EXT1: variants seen among roughly 807,000 people sequenced by gnomAD.
The protein encoded by EXT1 is exostosin-1.
A neutral mutation model predicts 82.5 loss-of-function variants in EXT1; 20 were observed. The observed-to-expected ratio is 0.24, with a 90% CI of 0.17 to 0.35. EXT1 has a LOEUF of 0.35. EXT1 is among the 10% of genes least tolerant of loss of function. The pLI is 1.00. For synonymous variants in EXT1, 348 were observed against 350.8 expected (o/e 0.99, Z 0.09); for missense variants, 757 against 936.5 (o/e 0.81, Z 2.50).
At chr8:118,035,597 A>AACACAC (rs59295132) in intron 1 of EXT1, among the ~76,000 whole-genome samples, 53 of 150,298 alleles carry the variant, frequency 3.5e-4, no homozygotes, top group Middle Eastern at 3.4e-3. Context: ...ACTCAATTCA[A>AACACAC]ACACACACAC....
chr8:117,847,488 A>G (rs1467784087), intron 1 of EXT1, among the ~76,000 whole-genome samples: 1 of 152,234 alleles, frequency 6.6e-6, no homozygotes, highest in Non-Finnish European at 1.5e-5. Flanking sequence ...CAGCCCTGAC[A>G]AATAGCATTA....
intron 1 of EXT1, among the ~76,000 whole-genome samples, chr8:117,859,750 T>A (rs1000134813): frequency 3.0e-4 from 46 of 152,350 alleles, no homozygotes; most frequent in Middle Eastern, 3.4e-3. Context: ...GTATTTAACA[T>A]CTTTTCAACA....
At chr8:117,851,394 G>A (rs537347054) in intron 1 of EXT1, among the ~76,000 whole-genome samples, 21 of 150,416 alleles carry the variant, frequency 1.4e-4, no homozygotes, top group Admixed American at 4.6e-4. Context: ...AAAAAAAAGT[G>A]AGGTTTCATT....
rs112873486 is a variant in EXT1, at chr8:117,797,508, C to A, written c.*2204G>T. ...GACATTGCTTTGCAAGCCAATATGA[C>A]CACCTAAGTTTCAAGTTGGTTTTGG... On this transcript the variant is annotated 3_prime_UTR_variant, in exon 11 of 11. Coordinates refer to ENST00000378204, the MANE Select transcript of EXT1 (RefSeq NM_000127.3). 1.5e-4 allele frequency: 23 copies of A among 152,250 alleles called. No homozygotes were observed. The highest frequency in any genetic ancestry group is 8.3e-4 in the South Asian group (4 of 4,816). 9.4% of individuals were successfully genotyped at this position (152,250 alleles called of 1,614,324 possible). A position where few individuals can be genotyped will look rare whatever the true frequency, so the allele number is the denominator to read the frequency against.
At chr8:117,878,121 A>G (rs548413881) in intron 1 of EXT1, among the ~76,000 whole-genome samples, 33 of 152,150 alleles carry the variant, frequency 2.2e-4, no homozygotes, top group Non-Finnish European at 4.3e-4. Context: ...TAAAAGTACA[A>G]AACTTAGCCA....
At chr8:118,037,879 CG>C (rs1816454624) in intron 1 of EXT1, among the ~76,000 whole-genome samples, 1 of 121,000 alleles carries the variant, frequency 8.3e-6, no homozygotes, top group Non-Finnish European at 1.6e-5. Flanking sequence ...TCACTCTTGT[CG>C]CCCAGACTGC....
intron 1 of EXT1, among the ~76,000 whole-genome samples, chr8:117,899,716 G>A (rs991857636): frequency 6.6e-6 from 1 of 152,202 alleles, no homozygotes; most frequent in Non-Finnish European, 1.5e-5. Flanking sequence ...GTTTCAAGGA[G>A]TAGCAAGATA....
chr8:118,026,709 G>C (rs17505290), intron 1 of EXT1, among the ~76,000 whole-genome samples: 4,071 of 152,160 alleles, frequency 0.027, 168 homozygotes, highest in African/African-American at 0.093. Context: ...TTTATCTTTG[G>C]GGGGAGGGAA....
chr8:118,046,280 A>C (rs1304547246), intron 1 of EXT1, among the ~76,000 whole-genome samples: 1 of 152,084 alleles, frequency 6.6e-6, no homozygotes, highest in East Asian at 1.9e-4. Context: ...AAGGCTTAGT[A>C]ACTTACTATT....
At chr8:118,040,898 C>A (rs1220175433) in intron 1 of EXT1, among the ~76,000 whole-genome samples, 1 of 152,172 alleles carries the variant, frequency 6.6e-6, no homozygotes, top group Non-Finnish European at 1.5e-5. Context: ...TCAGGTCCAA[C>A]CCAAGAGACA....
At position 118,111,161 on chromosome 8, in the gene EXT1, C is replaced by T. The variant is rs549255803; in HGVS notation, c.-115G>A. 390 of 1,410,998 alleles carry T rather than the reference C, an allele frequency of 2.8e-4. No individual in the cohort carries two copies. In the African/African-American group the frequency reaches 5.0e-3, roughly 18 times the overall value. The allele number at this position is 1,410,998 out of a possible 1,614,324, so 87.4% of individuals were successfully genotyped here. On this transcript the variant is annotated 5_prime_UTR_variant, in exon 1 of 11. Transcript: ENST00000378204. ...CCCGCCTGTAAAGACTTCAAACTCT[C>T]CGCTCCCACCTTCTCTGGATGCCTT...
chr8:117,969,624 T>C (rs796363699), intron 1 of EXT1, among the ~76,000 whole-genome samples: 2 of 152,314 alleles, frequency 1.3e-5, no homozygotes, highest in African/African-American at 4.8e-5. Flanking sequence ...AAATTATGCA[T>C]GTTTGCGAGT....
At position 118,042,021 on chromosome 8, in the gene EXT1, G is replaced by A. The variant is rs895043300; in HGVS notation, c.962+68064C>T. ...CACATCTGTCACCTCACTAAGCCCC[G>A]GGTTGGATGAGGAGCTCTGGCCAGC... On this transcript the variant is annotated intron_variant, in intron 1 of 10. Coordinates refer to ENST00000378204, the MANE Select transcript of EXT1 (RefSeq NM_000127.3). Among the ~76,000 whole-genome samples, 9 of 151,730 alleles carry A rather than the reference G, an allele frequency of 5.9e-5. No individual in the cohort carries two copies. The East Asian group carries it at 1.4e-3, about 23-fold the overall frequency.
At chr8:117,896,580 T>C (rs891797233) in intron 1 of EXT1, among the ~76,000 whole-genome samples, 19 of 152,208 alleles carry the variant, frequency 1.2e-4, no homozygotes, top group Admixed American at 2.6e-4. Flanking sequence ...TACCGAGCCA[T>C]CATCCAGATT....
intron 1 of EXT1, among the ~76,000 whole-genome samples, chr8:118,084,870 A>G (rs1817390544): frequency 6.6e-6 from 1 of 152,240 alleles, no homozygotes; most frequent in South Asian, 2.1e-4. Context: ...TTTTGCAAAA[A>G]TTAGATGAAA....
At chr8:117,918,748 C>T (rs754005640) in intron 1 of EXT1, among the ~76,000 whole-genome samples, 11 of 152,148 alleles carry the variant, frequency 7.2e-5, no homozygotes, top group Non-Finnish European at 1.6e-4. Flanking sequence ...CAGGAGTGAC[C>T]CCAGCAGATG....
At chr8:117,988,966 C>T (rs1283304836) in intron 1 of EXT1, among the ~76,000 whole-genome samples, 2 of 150,796 alleles carry the variant, frequency 1.3e-5, no homozygotes, top group African/African-American at 4.9e-5. Context: ...GTGGCTGATG[C>T]CTGTCATCCC....
chr8:118,076,458 A>G (rs1186225154), intron 1 of EXT1, among the ~76,000 whole-genome samples: 3 of 152,230 alleles, frequency 2.0e-5, no homozygotes, highest in Admixed American at 6.5e-5. Context: ...GTCTTTGTGT[A>G]TATTTCCACT....
At chr8:117,852,715 G>A (rs192876406) in intron 1 of EXT1, among the ~76,000 whole-genome samples, 38 of 152,200 alleles carry the variant, frequency 2.5e-4, no homozygotes, top group Non-Finnish European at 4.9e-4. Flanking sequence ...TACTGCAGGA[G>A]ACAATGAGAT....
Sources: allele counts gnomAD v4.1 joint callset (sites outside exome capture counted in the v4.1 genomes callset), GRCh38; gene constraint gnomAD v4.1.1; transcripts MANE v1.5; gene names NCBI Gene and HGNC (gene_info 2026-07-23, HGNC 2026-07-21).